The following CACNA1E variants were observed in gnomAD, a reference collection of about 807,000 sequenced individuals.
CACNA1E encodes calcium voltage-gated channel subunit alpha1 E.
In CACNA1E, 40 loss-of-function variants were observed where a neutral mutation model predicts 259.2. That is an observed-to-expected ratio of 0.15 (90% confidence interval 0.12 to 0.20). The LOEUF is 0.20. CACNA1E is among the 10% of genes least tolerant of loss of function. CACNA1E has a pLI of 1.00. For missense variants in CACNA1E, 1,874 were observed against 3,040.1 expected (o/e 0.62, Z 9.02); for synonymous variants, 1,104 against 1,138.5 (o/e 0.97, Z 0.61).
intron 37 of CACNA1E, among the ~76,000 whole-genome samples, chr1:181,774,583 G>A (rs1331866786): frequency 6.6e-6 from 1 of 152,220 alleles, no homozygotes; most frequent in African/African-American, 2.4e-5. Flanking sequence ...TCTGTGGTGT[G>A]TCCCTCATCC....
At chr1:181,731,136 G>T in intron 18 of CACNA1E, 39 bp from the exon 19 acceptor site, 1 of 1,564,800 alleles carries the variant, frequency 6.4e-7, no homozygotes, top group Non-Finnish European at 8.8e-7. Context: ...GGTTCCTAGA[G>T]GTTGGGGTGA....
intron 1 of CACNA1E, among the ~76,000 whole-genome samples, chr1:181,496,185 G>T (rs1278445463): frequency 1.3e-5 from 2 of 152,106 alleles, no homozygotes; most frequent in Non-Finnish European, 2.9e-5. Flanking sequence ...TGTTTCTAAT[G>T]CTGATTTTAT....
At chr1:181,515,415 A>G (rs1001466265) in intron 3 of CACNA1E, among the ~76,000 whole-genome samples, 7 of 152,212 alleles carry the variant, frequency 4.6e-5, no homozygotes, top group Non-Finnish European at 7.3e-5. Flanking sequence ...TTGTTCACTC[A>G]TTCACTCACC....
intron 6 of CACNA1E, among the ~76,000 whole-genome samples, chr1:181,598,886 T>C (rs2103054943): frequency 6.6e-6 from 1 of 152,284 alleles, no homozygotes; most frequent in Middle Eastern, 3.4e-3. Flanking sequence ...GCTAGCCGTC[T>C]AGGCTCTTTC....
chr1:181,770,315 G>A (rs541275361), intron 35 of CACNA1E, among the ~76,000 whole-genome samples: 4 of 152,186 alleles, frequency 2.6e-5, no homozygotes, highest in Non-Finnish European at 5.9e-5. Context: ...TGGGGAAGGA[G>A]GGTGCATGTG....
chr1:181,493,338 G>A (rs1300445296), intron 1 of CACNA1E, among the ~76,000 whole-genome samples: 1 of 152,206 alleles, frequency 6.6e-6, no homozygotes, highest in Non-Finnish European at 1.5e-5. Context: ...GTTGCACTGG[G>A]CTGTCAGCCA....
intron 1 of CACNA1E, among the ~76,000 whole-genome samples, chr1:181,487,919 G>A (rs900399155): frequency 2.0e-5 from 3 of 152,210 alleles, no homozygotes; most frequent in African/African-American, 2.4e-5. Context: ...AACATGCTTC[G>A]TGTGGAAATG....
intron 1 of CACNA1E, among the ~76,000 whole-genome samples, chr1:181,348,951 C>T (rs113346459): frequency 3.0e-4 from 45 of 152,294 alleles, no homozygotes; most frequent in African/African-American, 8.9e-4. Context: ...GACTGGAACC[C>T]AGGACCCAGC....
Position 181,721,843 on chromosome 1 carries a change from T to C in CACNA1E, c.2042T>C (p.Ile681Thr). 1 of 1,612,686 alleles carries C rather than the reference T, an allele frequency of 6.2e-7. No individual in the cohort carries two copies. Among genetic ancestry groups the C allele is most frequent in the Non-Finnish European group, 8.5e-7 (1 of 1,178,712 alleles). ...GGVSSGMWSA[I>T]YFIVLTLFGN... ...GTCAGCTCAGGCATGTGGTCTGCCA[T>C]CTACTTCATTGTGCTCACCTTGTTT... The change falls in exon 16 of 48, where the codon ATC becomes ACC. Residue 681 changes from isoleucine to threonine, a missense_variant. Coordinates refer to ENST00000367573, the MANE Select transcript of CACNA1E (RefSeq NM_001205293.3).
rs753352249 is a variant in CACNA1E at position 181,651,323 on chromosome 1, TTTTC to T, written c.952-6_952-3del. 6.4e-7 allele frequency: 1 copy of T among 1,566,266 alleles called. No individual in the cohort carries two copies. Among genetic ancestry groups the T allele is most frequent in the Non-Finnish European group, 8.8e-7 (1 of 1,137,548 alleles). The stretch of plus-strand genomic sequence containing the variant: ...ATGGCTTTAAGTATTAAGGAACCAT[TTTTC>T]TTTCTTTCAGACCAATGATGCCTTA... On this transcript the variant is annotated splice_polypyrimidine_tract_variant and intron_variant, in intron 6 of 47. Transcript: ENST00000367573.
At chr1:181,522,525 T>C (rs1293956761) in intron 3 of CACNA1E, among the ~76,000 whole-genome samples, 1 of 152,242 alleles carries the variant, frequency 6.6e-6, no homozygotes, top group African/African-American at 2.4e-5. Flanking sequence ...TGCTTGTTTA[T>C]GGGATGTTTC....
chr1:181,729,444 A>G (rs1655257979), intron 18 of CACNA1E, among the ~76,000 whole-genome samples: 1 of 152,254 alleles, frequency 6.6e-6, no homozygotes, highest in Non-Finnish European at 1.5e-5. Context: ...AAGTGCAAAC[A>G]TGGCTATCCA....
At chr1:181,600,281 G>A (rs1653611315) in intron 6 of CACNA1E, among the ~76,000 whole-genome samples, 1 of 152,208 alleles carries the variant, frequency 6.6e-6, no homozygotes, top group Non-Finnish European at 1.5e-5. Context: ...AGAGGGTCAG[G>A]GCCAGATCAG....
intron 2 of CACNA1E, among the ~76,000 whole-genome samples, chr1:181,415,178 C>T (rs1209025066): frequency 1.3e-5 from 2 of 152,200 alleles, no homozygotes; most frequent in Admixed American, 6.5e-5. Context: ...CTGTCATGCA[C>T]ATTGTTCATG....
intron 7 of CACNA1E, among the ~76,000 whole-genome samples, chr1:181,667,244 T>C (rs756158933): frequency 2.4e-4 from 36 of 152,272 alleles, no homozygotes; most frequent in Non-Finnish European, 4.4e-4. Context: ...CAAGCACTGA[T>C]GGCTGAAATG....
chr1:181,370,204 C>A (rs1459660069), intron 1 of CACNA1E, among the ~76,000 whole-genome samples: 5 of 151,692 alleles, frequency 3.3e-5, no homozygotes, highest in Admixed American at 3.3e-4. Flanking sequence ...TTGCCTTCCT[C>A]TTTGTTTCAG....
At chr1:181,659,360 G>A (rs1291749685) in intron 7 of CACNA1E, among the ~76,000 whole-genome samples, 1 of 152,206 alleles carries the variant, frequency 6.6e-6, no homozygotes, top group Non-Finnish European at 1.5e-5. Flanking sequence ...TGGAAGCATT[G>A]TAGCATTTTT....
intron 1 of CACNA1E, among the ~76,000 whole-genome samples, chr1:181,365,999 G>A (rs1415063647): frequency 6.6e-6 from 1 of 152,148 alleles, no homozygotes; most frequent in Non-Finnish European, 1.5e-5. Context: ...GGGACCAAAG[G>A]CCTGCCAGAG....
At chr1:181,468,377 G>A (rs552646018) in intron 2 of CACNA1E, among the ~76,000 whole-genome samples, 5 of 152,286 alleles carry the variant, frequency 3.3e-5, no homozygotes, top group African/African-American at 1.2e-4. Flanking sequence ...CTCCAGAATG[G>A]TTTTATCAGC....
Sources: gnomAD v4.1 joint callset for allele counts (sites outside exome capture counted in the v4.1 genomes callset) on GRCh38, gnomAD v4.1.1 for gene constraint, MANE v1.5 for transcripts, NCBI Gene and HGNC (gene_info 2026-07-23, HGNC 2026-07-21) for gene names.